BCAS1: variants seen among roughly 807,000 people sequenced by gnomAD.
BCAS1 encodes the protein brain enriched myelin associated protein 1.
A neutral mutation model predicts 65.4 loss-of-function variants in BCAS1; 46 were observed. The ratio of observed to expected loss-of-function variants is 0.70; its 90% CI spans 0.55 to 0.90. The LOEUF is 0.90. BCAS1 is among the 40% of genes least tolerant of loss of function. BCAS1 has a pLI of 0.00. For synonymous variants in BCAS1, 298 were observed against 293.5 expected, an observed-to-expected ratio of 1.02 and a Z score of -0.16; for missense variants, 793 against 771.2, an observed-to-expected ratio of 1.03 and a Z score of -0.33.
At position 54,055,660 on chromosome 20, in the gene BCAS1, T is replaced by C. The variant is rs2092286670; in HGVS notation, c.142+2425A>G. Among the ~76,000 whole-genome samples the C allele has an allele frequency of 2.0e-5, 3 of 152,070 alleles. No individual in the cohort carries two copies. The South Asian group carries it at 6.2e-4, about 32-fold the overall frequency. On this transcript the variant is annotated intron_variant, in intron 3 of 12. Coordinates refer to ENST00000688948, the MANE Select transcript of BCAS1 (RefSeq NM_001366298.2). Reference sequence around the variant, plus strand: ...TCAGCAATCCACTTCTGGGTATATCTAAAAAAGTGAAAGAAGGGTCTCAAA... The same window carrying C: ...TCAGCAATCCACTTCTGGGTATATCCAAAAAAGTGAAAGAAGGGTCTCAAA...
chr20:54,063,381 A>G (rs462041), intron 1 of BCAS1, among the ~76,000 whole-genome samples: 96,184 of 152,126 alleles, frequency 0.63, 31,195 homozygotes, highest in African/African-American at 0.76. Context: ...AGAGGACTGC[A>G]CAAGAGTTAG....
chr20:54,012,203 T>C (rs987532869), intron 4 of BCAS1, among the ~76,000 whole-genome samples: 1 of 152,116 alleles, frequency 6.6e-6, no homozygotes, highest in Non-Finnish European at 1.5e-5. Context: ...AATAAAGCTA[T>C]AGCAATGGAG....
At chr20:54,029,465 C>T (rs760055246) in intron 3 of BCAS1, among the ~76,000 whole-genome samples, 5 of 152,176 alleles carry the variant, frequency 3.3e-5, no homozygotes, top group African/African-American at 7.2e-5. Context: ...CACTAGACGC[C>T]GGTCACATTT....
intron 1 of BCAS1, among the ~76,000 whole-genome samples, chr20:54,062,116 C>T (rs2092383416): frequency 1.3e-5 from 2 of 152,090 alleles, no homozygotes; most frequent in African/African-American, 4.8e-5. Flanking sequence ...AATGGCAGAA[C>T]TGAGTAGTTG....
rs114456171 is a variant in BCAS1 at position 54,000,519 on chromosome 20, G to A, written c.724-4469C>T. On this transcript the variant is annotated intron_variant, in intron 4 of 12. Transcript: ENST00000688948. ...TGATTTAATCCAAGTGAGAGTATCA[G>A]TCATCAATTTTTAGCCATTATGATT... Among the ~76,000 whole-genome samples the A allele has an allele frequency of 5.6e-3, 858 of 152,248 alleles. 10 individuals carry two copies. Among genetic ancestry groups the A allele is most frequent in the African/African-American group, 0.019 (794 of 41,532 alleles).
At chr20:54,010,057 A>G (rs1310503356) in intron 4 of BCAS1, among the ~76,000 whole-genome samples, 1 of 152,238 alleles carries the variant, frequency 6.6e-6, no homozygotes, top group Admixed American at 6.5e-5. Flanking sequence ...TAAGGAAGAC[A>G]GTAACAGAGG....
At chr20:53,987,895 G>T (rs1225937540) in intron 7 of BCAS1, among the ~76,000 whole-genome samples, 1 of 152,180 alleles carries the variant, frequency 6.6e-6, no homozygotes, top group Admixed American at 6.5e-5. Flanking sequence ...AGGTCCTTCG[G>T]CAAGTATCGG....
At chr20:53,965,470 C>T (rs2090001943) in intron 10 of BCAS1, among the ~76,000 whole-genome samples, 1 of 151,950 alleles carries the variant, frequency 6.6e-6, no homozygotes, top group Non-Finnish European at 1.5e-5. Flanking sequence ...GTTTTTTGTT[C>T]TCCAACTGAT....
Position 53,985,365 on chromosome 20 carries a change from G to T in BCAS1, c.1197C>A (p.Thr399=), listed in dbSNP as rs267606005. ...TGGTGCCTTCCTTCGCAGGTTCAGGGGTTGTCACGGACTGTGTGTGCCCCG... is the reference window on the plus strand; with the variant it reads ...TGGTGCCTTCCTTCGCAGGTTCAGGTGTTGTCACGGACTGTGTGTGCCCCG... The part of the protein sequence containing the change: ...NPSGHTQSVT[T]PEPAKEGTKE... The change falls in exon 8 of 13, where the codon ACC becomes ACA. Residue 399 remains threonine, a synonymous_variant. Coordinates refer to ENST00000688948, the MANE Select transcript of BCAS1 (RefSeq NM_001366298.2). The T allele has an allele frequency of 6.2e-7, 1 of 1,613,950 alleles. No homozygotes were observed. Among genetic ancestry groups the T allele is most frequent in the African/African-American group, 1.3e-5 (1 of 74,904 alleles).
intron 4 of BCAS1, among the ~76,000 whole-genome samples, chr20:54,000,865 T>C (rs6097713): frequency 0.41 from 62,307 of 152,072 alleles, 12,972 homozygotes; most frequent in East Asian, 0.52. Context: ...TGTCTCTACT[T>C]AACTTTCCAA....
intron 4 of BCAS1, among the ~76,000 whole-genome samples, chr20:54,026,678 T>C (rs2091679337): frequency 6.6e-6 from 1 of 152,110 alleles, no homozygotes; most frequent in South Asian, 2.1e-4. Flanking sequence ...TGACCAATAA[T>C]GAGAATGGTT....
At chr20:53,965,157 C>T (rs538334798) in intron 10 of BCAS1, among the ~76,000 whole-genome samples, 28 of 151,692 alleles carry the variant, frequency 1.8e-4, no homozygotes, top group Admixed American at 1.4e-3. Context: ...CCATATGGGC[C>T]GCCCACAACT....
At position 53,944,045 on chromosome 20, in the gene BCAS1, TC is replaced by T. The variant is rs2089228966; in HGVS notation, c.*876del. ...TGTTTTCCCAAATCATTTTAAGCCC[TC>T]CCCAGTCAATCTTTTCCCTCTCATC... On this transcript the variant is annotated 3_prime_UTR_variant, in exon 13 of 13. Coordinates refer to ENST00000688948, the MANE Select transcript of BCAS1 (RefSeq NM_001366298.2). The T allele has an allele frequency of 2.0e-5, 3 of 151,998 alleles. No homozygotes were observed. Among genetic ancestry groups the T allele is most frequent in the Non-Finnish European group, 4.4e-5 (3 of 67,982 alleles). 9.4% of individuals were successfully genotyped at this position (151,998 alleles called of 1,614,324 possible). A position where few individuals can be genotyped will look rare whatever the true frequency, so the allele number is the denominator to read the frequency against.
chr20:54,057,091 A>G (rs936618725), intron 3 of BCAS1, among the ~76,000 whole-genome samples: 3 of 152,218 alleles, frequency 2.0e-5, no homozygotes, highest in African/African-American at 7.2e-5. Context: ...TGTATCCGTC[A>G]CATAGTAGAG....
chr20:54,064,981 A>T (rs1272403889), intron 1 of BCAS1, among the ~76,000 whole-genome samples: 1 of 152,126 alleles, frequency 6.6e-6, no homozygotes, highest in Admixed American at 6.5e-5. Context: ...GTACCGTGCG[A>T]AGGGGTAAAT....
intron 4 of BCAS1, among the ~76,000 whole-genome samples, chr20:54,023,037 C>T (rs1401992335): frequency 1.3e-5 from 2 of 152,214 alleles, no homozygotes; most frequent in Non-Finnish European, 2.9e-5. Context: ...GTTCTCTTTA[C>T]CAGTTGAAAA....
At chr20:53,971,534 C>A (rs2090179560) in intron 9 of BCAS1, among the ~76,000 whole-genome samples, 1 of 152,218 alleles carries the variant, frequency 6.6e-6, no homozygotes, top group Non-Finnish European at 1.5e-5. Flanking sequence ...TGAAACAGAA[C>A]AAACTCCAGG....
intron 4 of BCAS1, among the ~76,000 whole-genome samples, chr20:54,011,562 TG>T (rs1330846020): frequency 6.6e-6 from 1 of 151,928 alleles, no homozygotes; most frequent in Non-Finnish European, 1.5e-5. Context: ...CCCATCAAAG[TG>T]GTTAAAGCAA....
intron 3 of BCAS1, among the ~76,000 whole-genome samples, chr20:54,039,663 A>G (rs1026972399): frequency 1.3e-4 from 19 of 151,484 alleles, no homozygotes; most frequent in African/African-American, 4.3e-4. Context: ...TTTTCATTTA[A>G]AGACAAATCA....
Sources: gnomAD v4.1 joint callset for allele counts (sites outside exome capture counted in the v4.1 genomes callset) on GRCh38, gnomAD v4.1.1 for gene constraint, MANE v1.5 for transcripts, NCBI Gene and HGNC (gene_info 2026-07-23, HGNC 2026-07-21) for gene names.